XPR1: variants seen among roughly 807,000 people sequenced by gnomAD.
XPR1 encodes xenotropic and polytropic retrovirus receptor 1, also known as solute carrier family 53 member 1.
Under a neutral mutation model 87.5 loss-of-function variants are expected in XPR1, and 28 were observed. The observed-to-expected ratio is 0.32, with a 90% confidence interval of 0.24 to 0.44. The LOEUF (loss-of-function observed/expected upper bound fraction) is 0.44. Ranked by LOEUF, XPR1 falls within the 20% of genes least tolerant of loss-of-function variation. XPR1 has a pLI of 1.00. For missense variants in XPR1, 559 were observed against 862.3 expected, an observed-to-expected ratio of 0.65 and a Z score of 4.41; for synonymous variants, 300 against 306.1, an observed-to-expected ratio of 0.98 and a Z score of 0.21.
At chr1:180,702,791 G>A (rs12060123) in intron 2 of XPR1, among the ~76,000 whole-genome samples, 1 of 150,856 alleles carries the variant, frequency 6.6e-6, no homozygotes, top group Non-Finnish European at 1.5e-5. Flanking sequence ...CTCTTTTTTG[G>A]GATTTTTTTT....
At chr1:180,825,053 TTAATAAC>T in intron 8 of XPR1, 105 bp from the exon 9 acceptor site, 1 of 1,497,696 alleles carries the variant, frequency 6.7e-7, no homozygotes, top group Non-Finnish European at 8.9e-7. Flanking sequence ...GATTATTAGC[TTAATAAC>T]TAATCATGTT....
chr1:180,831,362 C>CTTTTTCTTTTTTTTTTTTTT (rs1553252332), intron 9 of XPR1, among the ~76,000 whole-genome samples: 3 of 115,480 alleles, frequency 2.6e-5, no homozygotes, highest in Admixed American at 8.6e-5. Context: ...TTTTCTTTTT[C>CTTTTTCTTTTTTTTTTTTTT]TTTTTTTTTT....
intron 2 of XPR1, among the ~76,000 whole-genome samples, chr1:180,709,505 G>A (rs1014888619): frequency 2.9e-4 from 44 of 152,078 alleles, no homozygotes; most frequent in African/African-American, 9.7e-4. Context: ...TTCTTTCACT[G>A]TTGATCAGTT....
chr1:180,852,720 G>A (rs894574308), intron 11 of XPR1, among the ~76,000 whole-genome samples: 2 of 152,022 alleles, frequency 1.3e-5, no homozygotes, highest in African/African-American at 4.8e-5. Context: ...GTTTAATTTT[G>A]TTTATTTTTT....
At chr1:180,866,419 G>A (rs1030305646) in intron 12 of XPR1, among the ~76,000 whole-genome samples, 1 of 152,124 alleles carries the variant, frequency 6.6e-6, no homozygotes, top group African/African-American at 2.4e-5. Context: ...CCCAGGTCCA[G>A]GAACAATTTT....
At chr1:180,732,192 CA>C (rs5779071) in intron 2 of XPR1, among the ~76,000 whole-genome samples, 69,349 of 107,628 alleles carry the variant, frequency 0.64, 19,495 homozygotes, top group Admixed American at 0.72. Context: ...GACTCCATCT[CA>C]AAAAAAAAAA....
intron 2 of XPR1, 21 bp downstream of exon 2, chr1:180,682,432 A>C: frequency 6.3e-7 from 1 of 1,587,586 alleles, no homozygotes; most frequent in Non-Finnish European, 8.6e-7. Context: ...TTAACCCTTA[A>C]GTTTAGTCAC....
At chr1:180,775,241 G>C (rs1648667527) in intron 2 of XPR1, among the ~76,000 whole-genome samples, 1 of 152,114 alleles carries the variant, frequency 6.6e-6, no homozygotes, top group South Asian at 2.1e-4. Flanking sequence ...CACCAGAGTA[G>C]TTAAGACTCT....
intron 1 of XPR1, among the ~76,000 whole-genome samples, chr1:180,643,576 G>C (rs935370908): frequency 3.3e-5 from 5 of 152,182 alleles, no homozygotes; most frequent in Admixed American, 6.5e-5. Context: ...TATCTCATGT[G>C]ATCCTTACAG....
At chr1:180,859,000 C>G (rs1163388888) in intron 11 of XPR1, among the ~76,000 whole-genome samples, 1 of 2,258 alleles carries the variant, frequency 4.4e-4, no homozygotes, top group African/African-American at 1.9e-3. Flanking sequence ...ATTCAGTTTA[C>G]CTTTATAGGT....
At chr1:180,763,656 G>C (rs1264538276) in intron 2 of XPR1, among the ~76,000 whole-genome samples, 1 of 152,200 alleles carries the variant, frequency 6.6e-6, no homozygotes, top group Non-Finnish European at 1.5e-5. Context: ...AAAAATATGT[G>C]ATGGGCTTAT....
intron 2 of XPR1, among the ~76,000 whole-genome samples, chr1:180,696,165 GGTGTGTGTGTGTGTGTGTGT>G (rs59249501): frequency 0.022 from 2,283 of 102,990 alleles, 85 homozygotes; most frequent in African/African-American, 0.074. Context: ...TTTATTCCTG[GGTGTGTGTGTGTGTGTGTGT>G]GTGTGTGTGT....
intron 2 of XPR1, among the ~76,000 whole-genome samples, chr1:180,755,733 A>AT (rs1647712643): frequency 6.6e-6 from 1 of 152,054 alleles, no homozygotes. Flanking sequence ...TTAGGTTCCT[A>AT]TTTTTTTATG....
chr1:180,664,329 C>T (rs1655888008), intron 1 of XPR1, among the ~76,000 whole-genome samples: 1 of 152,106 alleles, frequency 6.6e-6, no homozygotes, highest in Non-Finnish European at 1.5e-5. Flanking sequence ...TTATTCAGGG[C>T]CCAAGGGTTC....
chr1:180,766,791 C>G (rs1346599084), intron 2 of XPR1, among the ~76,000 whole-genome samples: 4 of 151,996 alleles, frequency 2.6e-5, no homozygotes, highest in African/African-American at 9.7e-5. Context: ...ATTTTTTATG[C>G]CTTATTATTT....
intron 1 of XPR1, among the ~76,000 whole-genome samples, chr1:180,667,546 A>G (rs995784003): frequency 2.6e-5 from 4 of 152,090 alleles, no homozygotes; most frequent in Admixed American, 2.6e-4. Context: ...CATTGGAGAT[A>G]TTTGCCCATA....
At chr1:180,682,095 C>G (rs980936674) in intron 1 of XPR1, among the ~76,000 whole-genome samples, 2 of 152,088 alleles carry the variant, frequency 1.3e-5, no homozygotes, top group Non-Finnish European at 2.9e-5. Flanking sequence ...AGTTTATAAT[C>G]TCTCAGGTGA....
At chr1:180,720,798 A>G (rs375198069) in intron 2 of XPR1, among the ~76,000 whole-genome samples, 1 of 151,940 alleles carries the variant, frequency 6.6e-6, no homozygotes, top group Non-Finnish European at 1.5e-5. Flanking sequence ...CTTTTGTTGT[A>G]CCAGCCAATA....
intron 1 of XPR1, among the ~76,000 whole-genome samples, chr1:180,641,199 T>C (rs1181226810): frequency 6.6e-6 from 1 of 152,208 alleles, no homozygotes; most frequent in Non-Finnish European, 1.5e-5. Flanking sequence ...ATAATAGTAC[T>C]TACAGGATTG....
Sources: allele counts gnomAD v4.1 joint callset (sites outside exome capture counted in the v4.1 genomes callset), GRCh38; gene constraint gnomAD v4.1.1; transcripts MANE v1.5; gene names NCBI Gene and HGNC (gene_info 2026-07-23, HGNC 2026-07-21).